Variants in TENM4 observed in about 807,000 individuals in gnomAD.
The protein encoded by TENM4 is teneurin transmembrane protein 4.
TENM4 carries 82 observed loss-of-function variants against 243.3 expected under a neutral mutation model. The ratio of observed to expected loss-of-function variants is 0.34; its 90% CI spans 0.28 to 0.40. The LOEUF is 0.40. Among genes scored for constraint, TENM4 ranks in the 10% least tolerant of loss-of-function variants. The pLI, the probability that TENM4 is intolerant of heterozygous loss-of-function variation, is 1.00. For synonymous variants in TENM4, 1,412 were observed against 1,456.3 expected, an observed-to-expected ratio of 0.97 and a Z score of 0.69; for missense variants, 3,138 against 3,673.3, an observed-to-expected ratio of 0.85 and a Z score of 3.77.
chr11:79,180,047 G>T (rs1018084538), intron 3 of TENM4, among the ~76,000 whole-genome samples: 5 of 151,730 alleles, frequency 3.3e-5, no homozygotes, highest in Non-Finnish European at 7.4e-5. Flanking sequence ...AAATTGCCCT[G>T]CAGTTTTAAT....
intron 12 of TENM4, among the ~76,000 whole-genome samples, chr11:78,815,276 C>T (rs770062750): frequency 8.5e-5 from 13 of 152,072 alleles, no homozygotes; most frequent in Non-Finnish European, 1.3e-4. Flanking sequence ...ATCCCAGCTA[C>T]TCAGGAGGAT....
chr11:79,168,978 G>T (rs1862981443), intron 3 of TENM4, among the ~76,000 whole-genome samples: 2 of 152,172 alleles, frequency 1.3e-5, no homozygotes, highest in African/African-American at 2.4e-5. Context: ...CTTCATCTCA[G>T]ATAACAATCA....
intron 27 of TENM4, among the ~76,000 whole-genome samples, chr11:78,704,347 T>C (rs1859191916): frequency 6.6e-6 from 1 of 151,736 alleles, no homozygotes; most frequent in Non-Finnish European, 1.5e-5. Context: ...GAAGTTTTTC[T>C]TCCAGGAATT....
chr11:79,201,053 A>G (rs1863727793), intron 3 of TENM4, among the ~76,000 whole-genome samples: 1 of 152,208 alleles, frequency 6.6e-6, no homozygotes, highest in Admixed American at 6.5e-5. Flanking sequence ...TTTTGTTCCA[A>G]CTGGTACAGC....
At chr11:79,405,847 CAAAAAAAA>C (rs763128589) in intron 1 of TENM4, among the ~76,000 whole-genome samples, 4 of 69,264 alleles carry the variant, frequency 5.8e-5, no homozygotes, top group African/African-American at 1.0e-4. Flanking sequence ...ATTGTGATTT[CAAAAAAAA>C]AAAAAAAAAA....
At chr11:79,335,784 C>T (rs1944450) in intron 1 of TENM4, among the ~76,000 whole-genome samples, 25,300 of 152,102 alleles carry the variant, frequency 0.17, 2,211 homozygotes, top group East Asian at 0.33. Context: ...CCAACTCCCC[C>T]GACTGAGTTA....
chr11:79,209,486 CCTT>C (rs1167244326), intron 3 of TENM4, among the ~76,000 whole-genome samples: 1 of 152,324 alleles, frequency 6.6e-6, no homozygotes, highest in Admixed American at 6.5e-5. Flanking sequence ...GTTCACTGCT[CCTT>C]CTTCTTCCCT....
intron 5 of TENM4, among the ~76,000 whole-genome samples, chr11:79,068,904 TA>T (rs112715551): frequency 3.8e-4 from 58 of 152,252 alleles, no homozygotes; most frequent in African/African-American, 1.2e-3. Flanking sequence ...AGTTCTATGC[TA>T]GGGGGAGCTC....
chr11:79,178,106 C>T (rs1343260088), intron 3 of TENM4, among the ~76,000 whole-genome samples: 1 of 152,096 alleles, frequency 6.6e-6, no homozygotes, highest in African/African-American at 2.4e-5. Context: ...CTGAAGATAT[C>T]TGCTGATGGG....
intron 6 of TENM4, among the ~76,000 whole-genome samples, chr11:79,063,668 C>T (rs1246478332): frequency 6.6e-6 from 1 of 152,178 alleles, no homozygotes; most frequent in Non-Finnish European, 1.5e-5. Context: ...CAATAGTCTC[C>T]ACGCAGGACC....
At chr11:78,994,164 G>C (rs2136674864) in intron 6 of TENM4, among the ~76,000 whole-genome samples, 1 of 152,316 alleles carries the variant, frequency 6.6e-6, no homozygotes, top group East Asian at 1.9e-4. Flanking sequence ...AGTTCAACAA[G>C]GTCCTTCCCT....
chr11:78,669,649 T>C lies in TENM4; in HGVS notation c.6696A>G (p.Ala2232=). 6.2e-7 allele frequency: 1 copy of C among 1,613,984 alleles called. No homozygotes were observed. The highest frequency in any genetic ancestry group is 8.5e-7 in the Non-Finnish European group (1 of 1,179,890). ...TGTCATACCGTAGTGGTGTGAGCCGTGCACTGTTCCCAGGGCTCAGTAAGT... is the reference window on the plus strand; with the variant it reads ...TGTCATACCGTAGTGGTGTGAGCCGCGCACTGTTCCCAGGGCTCAGTAAGT... ...NLHLLSPGNS[A]RLTPLRYDIR... The change falls in exon 32 of 34, where the codon GCA becomes GCG. Residue 2232 remains alanine (A), a synonymous_variant. Transcript: ENST00000278550. This position sits in a 1 kb window ranked among gnomAD's most constrained non-coding sequence, Gnocchi z 6.4.
chr11:78,816,169 C>G (rs942746145), intron 12 of TENM4, among the ~76,000 whole-genome samples: 3 of 152,226 alleles, frequency 2.0e-5, no homozygotes, highest in African/African-American at 7.2e-5. Context: ...TTTCCCCAAA[C>G]AGTAAAGAAA....
At chr11:79,240,373 A>G (rs150791855) in intron 2 of TENM4, among the ~76,000 whole-genome samples, 80 of 152,244 alleles carry the variant, frequency 5.3e-4, no homozygotes, top group African/African-American at 1.8e-3. Context: ...TGATTTTAAC[A>G]GGTCTGAGCA....
At chr11:78,757,211 T>C (rs759601302) in intron 18 of TENM4, among the ~76,000 whole-genome samples, 190 bp from the exon 19 acceptor site, 1 of 152,224 alleles carries the variant, frequency 6.6e-6, no homozygotes, top group Non-Finnish European at 1.5e-5. Flanking sequence ...AGCTCACTAG[T>C]CTAGAAGGAG....
At chr11:79,236,062 A>G (rs1223206518) in intron 2 of TENM4, among the ~76,000 whole-genome samples, 1 of 152,146 alleles carries the variant, frequency 6.6e-6, no homozygotes, top group East Asian at 1.9e-4. Flanking sequence ...TTCCTGTAGG[A>G]AGGATACTCA....
At chr11:78,931,884 T>C (rs927270136) in intron 6 of TENM4, among the ~76,000 whole-genome samples, 2 of 152,210 alleles carry the variant, frequency 1.3e-5, no homozygotes, top group Non-Finnish European at 2.9e-5. Flanking sequence ...TCCCATCTAC[T>C]TGGGAGACTG....
At chr11:78,989,604 A>C (rs17160242) in intron 6 of TENM4, among the ~76,000 whole-genome samples, 3,990 of 152,314 alleles carry the variant, frequency 0.026, 133 homozygotes, top group African/African-American at 0.079. Context: ...CAGTTCAGCC[A>C]TCTCATCTTC....
intron 1 of TENM4, among the ~76,000 whole-genome samples, chr11:79,337,495 T>C (rs1217227041): frequency 6.6e-6 from 1 of 152,080 alleles, no homozygotes; most frequent in Non-Finnish European, 1.5e-5. Flanking sequence ...GAAATTGGAA[T>C]TGAGGAGCAG....
Sources: gnomAD v4.1 joint callset for allele counts (sites outside exome capture counted in the v4.1 genomes callset) on GRCh38, gnomAD v4.1.1 for gene constraint, Gnocchi (gnomAD v3.1) non-coding constraint, MANE v1.5 for transcripts, NCBI Gene and HGNC (gene_info 2026-07-23, HGNC 2026-07-21) for gene names.